The following UNC13C variants were observed in gnomAD, a reference collection of about 807,000 sequenced individuals.
UNC13C encodes protein unc-13 homolog C.
In UNC13C, 174 loss-of-function variants were observed where a neutral mutation model predicts 245.4. The observed-to-expected ratio is 0.71, with a 90% confidence interval of 0.63 to 0.80. The LOEUF is 0.80. UNC13C is among the 30% of genes least tolerant of loss of function. The pLI is 0.00. For missense variants in UNC13C, 2,829 were observed against 2,602.9 expected, an observed-to-expected ratio of 1.09 and a Z score of -1.89; for synonymous variants, 992 against 895.1, an observed-to-expected ratio of 1.11 and a Z score of -1.93.
the UNC13C span, among the ~76,000 whole-genome samples, chr15:53,922,121 A>G: frequency 6.6e-6 from 1 of 152,224 alleles, no homozygotes; most frequent in Admixed American, 6.5e-5. Flanking sequence ...GATAAAGTGA[A>G]TAAGTAGTGG....
chr15:54,238,902 A>T (rs2035778686), intron 7 of UNC13C, among the ~76,000 whole-genome samples: 1 of 152,174 alleles, frequency 6.6e-6, no homozygotes, highest in Non-Finnish European at 1.5e-5. Context: ...ACATACAGTG[A>T]TGGGGTCTCA....
chr15:53,896,126 A>G, the UNC13C span, among the ~76,000 whole-genome samples: 1 of 152,046 alleles, frequency 6.6e-6, no homozygotes, highest in Admixed American at 6.6e-5. Context: ...GTTCCTTAGG[A>G]GAACACTTCT....
the UNC13C span, among the ~76,000 whole-genome samples, chr15:53,860,483 G>A: frequency 1.3e-5 from 2 of 152,142 alleles, no homozygotes; most frequent in African/African-American, 4.8e-5. Context: ...CAGTCATGGG[G>A]AGGTAATTGC....
intron 19 of UNC13C, among the ~76,000 whole-genome samples, chr15:54,483,246 G>C (rs11636568): frequency 0.44 from 66,894 of 151,530 alleles, 15,022 homozygotes; most frequent in East Asian, 0.71. Flanking sequence ...AGAGATCTGT[G>C]TTAACCTTGG....
At chr15:54,325,351 C>T (rs890687701) in intron 14 of UNC13C, among the ~76,000 whole-genome samples, 2 of 151,912 alleles carry the variant, frequency 1.3e-5, no homozygotes, top group African/African-American at 4.8e-5. Flanking sequence ...ACATAGCCAC[C>T]TAGTTGGGTT....
At chr15:54,330,797 C>G (rs554537736) in intron 14 of UNC13C, among the ~76,000 whole-genome samples, 3 of 152,072 alleles carry the variant, frequency 2.0e-5, no homozygotes, top group Non-Finnish European at 4.4e-5. Flanking sequence ...CTAAGACGTT[C>G]AACTCATCTG....
the UNC13C span, among the ~76,000 whole-genome samples, chr15:53,937,908 A>G: frequency 6.6e-6 from 1 of 152,176 alleles, no homozygotes; most frequent in South Asian, 2.1e-4. Flanking sequence ...AGGAAAAACC[A>G]TTACCAGCCA....
chr15:54,398,714 C>T (rs532354382), intron 18 of UNC13C, among the ~76,000 whole-genome samples: 1 of 151,194 alleles, frequency 6.6e-6, no homozygotes, highest in South Asian at 2.1e-4. Flanking sequence ...AGAAAATTTT[C>T]CATTTAATCT....
At chr15:54,367,294 C>A (rs543392744) in intron 17 of UNC13C, among the ~76,000 whole-genome samples, 20 of 152,114 alleles carry the variant, frequency 1.3e-4, no homozygotes, top group Non-Finnish European at 1.9e-4. Context: ...GCTCTCCCTG[C>A]AACTATATTT....
chr15:53,877,637 GAGA>G, the UNC13C span, among the ~76,000 whole-genome samples: 1 of 152,096 alleles, frequency 6.6e-6, no homozygotes, highest in Non-Finnish European at 1.5e-5. Flanking sequence ...AACACGAAGA[GAGA>G]AGAAGGGAAA....
chr15:53,846,035 T>G, the UNC13C span, among the ~76,000 whole-genome samples: 69,658 of 152,036 alleles, frequency 0.46, 16,297 homozygotes, highest in Middle Eastern at 0.59. Context: ...TTACATGAGA[T>G]AGTTAACACT....
At chr15:54,109,650 A>G (rs1264991927) in intron 2 of UNC13C, among the ~76,000 whole-genome samples, 3 of 151,986 alleles carry the variant, frequency 2.0e-5, no homozygotes, top group Admixed American at 1.3e-4. Flanking sequence ...CCTACAAACT[A>G]TATTTTCTAA....
At chr15:54,194,883 G>C (rs992736499) in intron 4 of UNC13C, among the ~76,000 whole-genome samples, 1 of 151,984 alleles carries the variant, frequency 6.6e-6, no homozygotes, top group Admixed American at 6.6e-5. Flanking sequence ...ATGTTTTTGT[G>C]AGAAAAAAAT....
chr15:54,468,596 C>G (rs1361180094), intron 19 of UNC13C, among the ~76,000 whole-genome samples: 1 of 151,510 alleles, frequency 6.6e-6, no homozygotes, highest in Non-Finnish European at 1.5e-5. Context: ...ACTTTTAAGT[C>G]TTTAATCTAT....
At chr15:54,482,785 A>T (rs1893196451) in intron 19 of UNC13C, among the ~76,000 whole-genome samples, 1 of 152,174 alleles carries the variant, frequency 6.6e-6, no homozygotes, top group Non-Finnish European at 1.5e-5. Flanking sequence ...TAATGGGAAA[A>T]GCAGTGTATA....
At chr15:54,381,363 AT>A (rs1240520562) in intron 17 of UNC13C, among the ~76,000 whole-genome samples, 1 of 152,076 alleles carries the variant, frequency 6.6e-6, no homozygotes, top group Non-Finnish European at 1.5e-5. Flanking sequence ...TTTGTAGTAT[AT>A]TTTGAAGTCA....
intron 4 of UNC13C, among the ~76,000 whole-genome samples, chr15:54,146,381 A>T (rs2032259854): frequency 6.6e-6 from 1 of 152,212 alleles, no homozygotes; most frequent in African/African-American, 2.4e-5. Flanking sequence ...CAATGACAGC[A>T]TAATCTCTAC....
chr15:54,290,621 A>G (rs2037272000), intron 10 of UNC13C, among the ~76,000 whole-genome samples: 1 of 152,080 alleles, frequency 6.6e-6, no homozygotes, highest in Non-Finnish European at 1.5e-5. Flanking sequence ...AGAAAGACAC[A>G]TGCATATGTG....
At chr15:54,427,511 A>G (rs1361497229) in intron 19 of UNC13C, among the ~76,000 whole-genome samples, 1 of 151,684 alleles carries the variant, frequency 6.6e-6, no homozygotes, top group East Asian at 1.9e-4. Context: ...ACAGTATATT[A>G]TTTTTCTGAT....
Sources: gnomAD v4.1 joint callset for allele counts (sites outside exome capture counted in the v4.1 genomes callset) on GRCh38, gnomAD v4.1.1 for gene constraint, MANE v1.5 for transcripts, NCBI Gene and HGNC (gene_info 2026-07-23, HGNC 2026-07-21) for gene names.